Variants in CECR2 observed in about 807,000 individuals in gnomAD.
The protein encoded by CECR2 is CECR2 histone acetyl-lysine reader.
CECR2 carries 30 observed loss-of-function variants against 154.5 expected under a neutral mutation model. That is an observed-to-expected ratio of 0.19 (90% CI 0.15 to 0.26). The LOEUF (loss-of-function observed/expected upper bound fraction) is 0.26, where lower values mean the gene tolerates loss of function less well. CECR2 is among the 10% of genes least tolerant of loss of function. CECR2 has a pLI of 1.00. For synonymous variants in CECR2, 725 were observed against 683.7 expected (o/e 1.06, Z -0.94); for missense variants, 1,743 against 1,829.3 (o/e 0.95, Z 0.86).
rs575603163 is a variant in CECR2 at position 17,414,193 on chromosome 22, C to G, written c.126+44284C>G. On this transcript the variant is annotated intron_variant, in intron 1 of 18. Transcript: ENST00000262608. ...TTCACTGTGTTAGCCAGGATGGTCTCGATCGCCTGACCTCGTGATCCGCCC... is the reference window on the plus strand; with the variant it reads ...TTCACTGTGTTAGCCAGGATGGTCTGGATCGCCTGACCTCGTGATCCGCCC... Among the ~76,000 whole-genome samples, 32 of 151,934 alleles carry G rather than the reference C, an allele frequency of 2.1e-4. No homozygotes were observed. In the South Asian group the frequency reaches 6.2e-3, roughly 30 times the overall value.
At chr22:17,382,563 G>C (rs2063210830) in intron 1 of CECR2, among the ~76,000 whole-genome samples, 1 of 152,202 alleles carries the variant, frequency 6.6e-6, no homozygotes, top group Non-Finnish European at 1.5e-5. Context: ...AGCCTGTTAA[G>C]TGTGCAGTAG....
chr22:17,377,683 TG>T (rs1289343826), intron 1 of CECR2, among the ~76,000 whole-genome samples: 3 of 152,250 alleles, frequency 2.0e-5, no homozygotes, highest in Non-Finnish European at 4.4e-5. Context: ...CCTTTTCAGA[TG>T]GCTGCTACCC....
chr22:17,459,308 C>G (rs183698379), intron 1 of CECR2, among the ~76,000 whole-genome samples: 3 of 152,116 alleles, frequency 2.0e-5, no homozygotes. Flanking sequence ...TTGCCCTGCC[C>G]GGCCCTGCAT....
At chr22:17,445,115 T>C (rs533682731) in intron 1 of CECR2, among the ~76,000 whole-genome samples, 2 of 152,250 alleles carry the variant, frequency 1.3e-5, no homozygotes, top group Non-Finnish European at 2.9e-5. Context: ...TGTTAGACTA[T>C]TCATATACCT....
At chr22:17,491,201 G>A (rs2055523447) in intron 2 of CECR2, among the ~76,000 whole-genome samples, 1 of 152,208 alleles carries the variant, frequency 6.6e-6, no homozygotes, top group Admixed American at 6.5e-5. Flanking sequence ...TTGTGTGGAT[G>A]TGTTTTCCTT....
Position 17,540,852 on chromosome 22 carries a change from A to G in CECR2, c.1884+52A>G, listed in dbSNP as rs143318441. 1,338 of 1,486,976 alleles carry G rather than the reference A, an allele frequency of 9.0e-4. 12 individuals carry two copies. The African/African-American group carries it at 0.016, about 18-fold the overall frequency. 92.1% of individuals were successfully genotyped at this position (1,486,976 alleles called of 1,614,324 possible). On this transcript the variant is annotated intron_variant, in intron 14 of 18. Coordinates refer to ENST00000262608, the MANE Select transcript of CECR2 (RefSeq NM_001290047.2). The stretch of plus-strand genomic sequence containing the variant: ...GGTTTCTCCTAGTTTGTGAGTTCAT[A>G]GTAATGTAGAGGCCATTCAGTTAGT...
At chr22:17,370,941 G>T (rs2063053350) in intron 1 of CECR2, among the ~76,000 whole-genome samples, 2 of 152,234 alleles carry the variant, frequency 1.3e-5, no homozygotes, top group African/African-American at 4.8e-5. Flanking sequence ...AATGGCAACT[G>T]CGTTGGTCAG....
intron 1 of CECR2, among the ~76,000 whole-genome samples, chr22:17,435,191 T>TTTTC (rs201386773): frequency 0.079 from 12,002 of 151,854 alleles, 1,009 homozygotes; most frequent in African/African-American, 0.21. Flanking sequence ...CTCCAAAGTT[T>TTTTC]TTTCTTTCTT....
intron 1 of CECR2, among the ~76,000 whole-genome samples, chr22:17,446,570 A>T (rs888881113): frequency 1.3e-5 from 2 of 151,666 alleles, no homozygotes; most frequent in Non-Finnish European, 2.9e-5. Flanking sequence ...ACAAAAAATT[A>T]GCCGGGTGTG....
At chr22:17,466,253 A>G (rs2055030572) in intron 1 of CECR2, among the ~76,000 whole-genome samples, 1 of 152,194 alleles carries the variant, frequency 6.6e-6, no homozygotes, top group South Asian at 2.1e-4. Context: ...GGATTCAATC[A>G]AGTGACCTCT....
intron 1 of CECR2, among the ~76,000 whole-genome samples, chr22:17,444,134 G>A (rs1289872243): frequency 6.6e-6 from 1 of 152,162 alleles, no homozygotes; most frequent in Non-Finnish European, 1.5e-5. Flanking sequence ...CTGGAGCTTA[G>A]TACAGCTCAG....
At chr22:17,417,305 G>C (rs923516343) in intron 1 of CECR2, among the ~76,000 whole-genome samples, 14 of 150,316 alleles carry the variant, frequency 9.3e-5, no homozygotes, top group Non-Finnish European at 2.1e-4. Flanking sequence ...GTCAAGTTTT[G>C]ACAAGTCTTG....
rs1197109880 is a variant in CECR2 at position 17,499,454 on chromosome 22, C to T, written c.450C>T (p.Asp150=). The change falls in exon 4 of 19, where the codon GAC becomes GAT. Residue 150 remains aspartate (D), a synonymous_variant. Coordinates refer to ENST00000262608, the MANE Select transcript of CECR2 (RefSeq NM_001290047.2). ...TCCGTGTGGAGCCATTGGGTGAAGA[C>T]AATTCTGGGGCACTATATTGGTATT... ...DSLRVEPLGE[D]NSGALYWYFY... is the part of the protein sequence containing the mutation. 6.2e-7 allele frequency: 1 copy of T among 1,613,862 alleles called. No individual in the cohort carries two copies. Among genetic ancestry groups the T allele is most frequent in the Non-Finnish European group, 8.5e-7 (1 of 1,179,828 alleles).
chr22:17,488,676 G>A (rs1312551431), intron 2 of CECR2, among the ~76,000 whole-genome samples: 2 of 152,158 alleles, frequency 1.3e-5, no homozygotes, highest in Non-Finnish European at 2.9e-5. Context: ...TGTATCTAGT[G>A]AAAAATATAT....
chr22:17,516,240 C>T (rs936185922), intron 8 of CECR2, among the ~76,000 whole-genome samples: 2 of 151,526 alleles, frequency 1.3e-5, no homozygotes, highest in Admixed American at 6.6e-5. Flanking sequence ...CATACACACA[C>T]ACATATTTAC....
At chr22:17,546,246 G>T (rs2056612000) in intron 16 of CECR2, among the ~76,000 whole-genome samples, 1 of 152,066 alleles carries the variant, frequency 6.6e-6, no homozygotes. Context: ...CCAGCACTTT[G>T]GGAGGCCGAG....
intron 1 of CECR2, among the ~76,000 whole-genome samples, chr22:17,432,461 C>G (rs1421691299): frequency 5.9e-5 from 9 of 152,138 alleles, no homozygotes; most frequent in Non-Finnish European, 1.0e-4. Context: ...TTGTGTGCTC[C>G]TAGGTTTTTA....
At chr22:17,414,057 C>T (rs2054111063) in intron 1 of CECR2, among the ~76,000 whole-genome samples, 1 of 151,730 alleles carries the variant, frequency 6.6e-6, no homozygotes, top group Admixed American at 6.6e-5. Flanking sequence ...ACTGCAAGCT[C>T]CGCCTCCCAG....
At position 17,524,126 on chromosome 22, in the gene CECR2, T is replaced by A. The variant is rs1471627229; in HGVS notation, c.963T>A (p.Pro321=). 7.6e-6 allele frequency: 12 copies of A among 1,587,010 alleles called. No homozygotes were observed. The highest frequency in any genetic ancestry group is 1.3e-5 in the African/African-American group (1 of 74,330). The change falls in exon 9 of 19, where the codon CCT becomes CCA. Residue 321 remains proline, a synonymous_variant. Coordinates refer to ENST00000262608, the MANE Select transcript of CECR2 (RefSeq NM_001290047.2). Reference sequence around the variant, plus strand: ...TCATTGGCTCCTCACAGGAGACTCCTGTGCTGACCAGAATAGAAAAACAAA... The same window carrying A: ...TCATTGGCTCCTCACAGGAGACTCCAGTGCTGACCAGAATAGAAAAACAAA... ...SIKPVKQEET[P]VLTRIEKQKR...
Sources: gnomAD v4.1 joint callset for allele counts (sites outside exome capture counted in the v4.1 genomes callset) on GRCh38, gnomAD v4.1.1 for gene constraint, MANE v1.5 for transcripts, NCBI Gene and HGNC (gene_info 2026-07-23, HGNC 2026-07-21) for gene names.